CA10: variants seen among roughly 807,000 people sequenced by gnomAD.
CA10 encodes carbonic anhydrase-related protein 10.
CA10 carries 14 observed loss-of-function variants against 44.2 expected under a neutral mutation model. That is an observed-to-expected ratio of 0.32 (90% CI 0.21 to 0.50). CA10 has a LOEUF of 0.50. Among genes scored for constraint, CA10 ranks in the 20% least tolerant of loss-of-function variants. The probability of loss-of-function intolerance (pLI) is 0.99; values close to 1 mark genes in which losing one functional copy is unlikely to be tolerated. For synonymous variants in CA10, 159 were observed against 141.6 expected (o/e 1.12, Z -0.87); for missense variants, 350 against 409.7 (o/e 0.85, Z 1.26).
At chr17:52,119,857 T>A (rs2143311893) in intron 1 of CA10, among the ~76,000 whole-genome samples, 1 of 152,312 alleles carries the variant, frequency 6.6e-6, no homozygotes, top group Middle Eastern at 3.4e-3. Flanking sequence ...TGTTTTAATT[T>A]TTTTTCCCCC....
At chr17:51,968,686 A>G (rs1984169615) in intron 2 of CA10, among the ~76,000 whole-genome samples, 1 of 151,940 alleles carries the variant, frequency 6.6e-6, no homozygotes, top group South Asian at 2.1e-4. Context: ...ACTATACACC[A>G]CAAAAGAGTG....
intron 3 of CA10, among the ~76,000 whole-genome samples, chr17:51,855,261 A>G (rs561901518): frequency 7.9e-5 from 12 of 152,318 alleles, no homozygotes; most frequent in Non-Finnish European, 1.8e-4. Context: ...CTGGTCCACA[A>G]TGAGCATTTG....
At chr17:51,799,922 T>G (rs1371128930) in intron 3 of CA10, among the ~76,000 whole-genome samples, 4 of 152,210 alleles carry the variant, frequency 2.6e-5, no homozygotes, top group African/African-American at 7.2e-5. Flanking sequence ...GAGAAATGTA[T>G]GTTGGTGCAG....
rs1334111485 is a variant in CA10, at chr17:52,154,580, G to T, written c.61+3146C>A. ...TTGGTAGGAAGGGAATGGTGCTCTT[G>T]CAGTACACGGAAAAATCATTCTGGT... On this transcript the variant is annotated intron_variant, in intron 1 of 8. Coordinates refer to ENST00000451037, the MANE Select transcript of CA10 (RefSeq NM_020178.5). Among the ~76,000 whole-genome samples the T allele has an allele frequency of 4.6e-5, 7 of 152,108 alleles. No individual in the cohort carries two copies. The East Asian group carries it at 1.4e-3, about 29-fold the overall frequency.
chr17:51,639,415 C>A (rs1912982307), intron 6 of CA10, among the ~76,000 whole-genome samples: 4 of 152,100 alleles, frequency 2.6e-5, no homozygotes. Context: ...CTTTGTGCTG[C>A]AGCTATATTT....
In CA10 at chr17:51,919,759, C is replaced by A. The variant is rs191086434; in HGVS notation, c.279+11231G>T. On this transcript the variant is annotated intron_variant, in intron 3 of 8. Transcript: ENST00000451037. ...CTCCACCTCCCTGGTTCAAGCAATTCTCCTGCCTCAGCCTCCCGAGTAGCT... is the reference window on the plus strand; with the variant it reads ...CTCCACCTCCCTGGTTCAAGCAATTATCCTGCCTCAGCCTCCCGAGTAGCT... Among the ~76,000 whole-genome samples, 95 of 152,318 alleles carry A rather than the reference C, an allele frequency of 6.2e-4. 1 individual carries two copies. The highest frequency in any genetic ancestry group is 1.6e-3 in the African/African-American group (65 of 41,570).
At chr17:51,984,503 AG>A (rs1984761461) in intron 2 of CA10, among the ~76,000 whole-genome samples, 1 of 151,928 alleles carries the variant, frequency 6.6e-6, no homozygotes. Context: ...GGAATAACCA[AG>A]ATCACAGCAG....
intron 4 of CA10, among the ~76,000 whole-genome samples, chr17:51,693,381 G>A (rs953936974): frequency 2.6e-5 from 4 of 152,134 alleles, no homozygotes; most frequent in African/African-American, 9.7e-5. Flanking sequence ...GGGGTTATAT[G>A]TGCAGGTTAC....
chr17:51,944,088 C>G (rs1485836788), intron 2 of CA10, among the ~76,000 whole-genome samples: 1 of 152,118 alleles, frequency 6.6e-6, no homozygotes, highest in East Asian at 1.9e-4. Context: ...ACCAAGTGTT[C>G]TAATCCCAAG....
In CA10 at chr17:51,633,475, C is replaced by T; in HGVS notation, c.964+1G>A. The stretch of plus-strand genomic sequence containing the variant: ...TCCACTCTCTGAGCCACCAAACCCA[C>T]CTCTATACTGAAGCTTCTGGGCTCG... On this transcript the variant is annotated splice_donor_variant, in intron 8 of 8. Transcript: ENST00000451037. LOFTEE classifies it high-confidence loss of function. The T allele has an allele frequency of 6.2e-7, 1 of 1,612,658 alleles. No individual in the cohort carries two copies. Among genetic ancestry groups the T allele is most frequent in the Non-Finnish European group, 8.5e-7 (1 of 1,179,178 alleles).
intron 2 of CA10, among the ~76,000 whole-genome samples, chr17:52,064,154 C>T (rs1419118117): frequency 2.0e-5 from 3 of 152,166 alleles, no homozygotes; most frequent in South Asian, 4.1e-4. Context: ...TCAGCAGTGG[C>T]AGGCCATAGG....
intron 2 of CA10, among the ~76,000 whole-genome samples, chr17:52,048,626 G>A (rs1986978672): frequency 6.6e-6 from 1 of 152,018 alleles, no homozygotes; most frequent in Non-Finnish European, 1.5e-5. Flanking sequence ...GATTTCAACA[G>A]GCAGGTATAG....
intron 2 of CA10, among the ~76,000 whole-genome samples, chr17:52,049,087 A>G (rs1030247817): frequency 6.6e-6 from 1 of 152,122 alleles, no homozygotes; most frequent in Non-Finnish European, 1.5e-5. Flanking sequence ...AGTTTGAGCA[A>G]TATTGACTTT....
chr17:52,097,445 T>C (rs1048326686), intron 1 of CA10, among the ~76,000 whole-genome samples: 3 of 152,160 alleles, frequency 2.0e-5, no homozygotes, highest in Admixed American at 2.0e-4. Flanking sequence ...TTCCAGAACA[T>C]TTTACTTCTC....
chr17:51,803,255 G>A (rs1046460485), intron 3 of CA10, among the ~76,000 whole-genome samples: 4 of 152,192 alleles, frequency 2.6e-5, no homozygotes, highest in African/African-American at 9.6e-5. Flanking sequence ...TCTGCCTAGC[G>A]ATTACTGTAG....
rs558459392 is a variant in CA10, at chr17:51,772,481, G to A, written c.280-24663C>T. ...TATATATATATCCCTAACATTTCAT[G>A]TTTCAGTAATTAAGGCCATGAAGAG... On this transcript the variant is annotated intron_variant, in intron 3 of 8. Coordinates refer to ENST00000451037, the MANE Select transcript of CA10 (RefSeq NM_020178.5). Among the ~76,000 whole-genome samples the A allele has an allele frequency of 7.2e-5, 11 of 152,194 alleles. No homozygotes were observed. In the East Asian group the frequency reaches 2.1e-3, roughly 29 times the overall value.
At chr17:51,881,452 G>A (rs2143887731) in intron 3 of CA10, among the ~76,000 whole-genome samples, 1 of 151,648 alleles carries the variant, frequency 6.6e-6, no homozygotes, top group South Asian at 2.1e-4. Flanking sequence ...TGGAAGCTTT[G>A]GTACACCAGC....
At chr17:51,896,739 A>G (rs754965602) in intron 3 of CA10, among the ~76,000 whole-genome samples, 1 of 152,038 alleles carries the variant, frequency 6.6e-6, no homozygotes, top group Non-Finnish European at 1.5e-5. Context: ...TAACCTCCCC[A>G]GCATCTGTTA....
At chr17:51,877,777 A>G (rs1980143560) in intron 3 of CA10, among the ~76,000 whole-genome samples, 1 of 152,116 alleles carries the variant, frequency 6.6e-6, no homozygotes, top group Non-Finnish European at 1.5e-5. Context: ...TTCATTAACC[A>G]GCAACTTTTT....
Sources: gnomAD v4.1 joint callset for allele counts (sites outside exome capture counted in the v4.1 genomes callset) on GRCh38, gnomAD v4.1.1 for gene constraint, MANE v1.5 for transcripts, NCBI Gene and HGNC (gene_info 2026-07-23, HGNC 2026-07-21) for gene names.